GALNTL5: variants seen among roughly 807,000 people sequenced by gnomAD.
GALNTL5 encodes inactive polypeptide N-acetylgalactosaminyltransferase-like protein 5.
Under a neutral mutation model 51.0 loss-of-function variants are expected in GALNTL5, and 44 were observed. That is an observed-to-expected ratio of 0.86 (90% CI 0.68 to 1.11). GALNTL5 has a LOEUF of 1.11. GALNTL5 is among the 50% of genes least tolerant of loss of function. The pLI, the probability that GALNTL5 is intolerant of heterozygous loss-of-function variation, is 0.00. For synonymous variants in GALNTL5, 192 were observed against 182.8 expected (o/e 1.05, Z -0.41); for missense variants, 528 against 531.8 (o/e 0.99, Z 0.07).
chr7:151,980,641 C>G (rs1049561617), intron 3 of GALNTL5, among the ~76,000 whole-genome samples: 3 of 151,972 alleles, frequency 2.0e-5, no homozygotes, highest in African/African-American at 7.3e-5. Flanking sequence ...TTGTGAGTAC[C>G]CTGAGGGGAC....
chr7:151,964,009 C>T (rs2081026570), intron 1 of GALNTL5, among the ~76,000 whole-genome samples: 1 of 152,170 alleles, frequency 6.6e-6, no homozygotes, highest in Non-Finnish European at 1.5e-5. Flanking sequence ...GAGGCTTGGC[C>T]AACTCTGATT....
chr7:151,980,763 T>TTTTTTG (rs2081269701), intron 3 of GALNTL5, among the ~76,000 whole-genome samples: 1 of 92,502 alleles, frequency 1.1e-5, no homozygotes, highest in Admixed American at 1.3e-4. Flanking sequence ...TTTTTTTTTT[T>TTTTTTG]GAGATGGAGT....
intron 4 of GALNTL5, 91 bp from the exon 5 acceptor site, chr7:151,987,068 T>C (rs530603218): frequency 2.6e-6 from 3 of 1,145,492 alleles, no homozygotes; most frequent in Non-Finnish European, 2.4e-6. Flanking sequence ...TGGAATAGCA[T>C]GGATTTTAGG....
rs1586846179 is a variant in GALNTL5 at position 152,003,018 on chromosome 7, G to A, written c.908+55G>A. The A allele has an allele frequency of 1.1e-5, 17 of 1,487,216 alleles. No individual in the cohort carries two copies. The Admixed American group carries it at 1.9e-4, about 16-fold the overall frequency. 92.1% of individuals were successfully genotyped at this position (1,487,216 alleles called of 1,614,324 possible). A position where few individuals can be genotyped will look rare whatever the true frequency, so the allele number is the denominator to read the frequency against. On this transcript the variant is annotated intron_variant, in intron 6 of 8. Coordinates refer to ENST00000392800, the MANE Select transcript of GALNTL5 (RefSeq NM_145292.4). ...TAGCATACGTGTATTGAGACCCAGG[G>A]GGAAAAAGCCTCCAGAGATTATTCT...
chr7:151,977,009 T>C (rs1410533700), intron 3 of GALNTL5, among the ~76,000 whole-genome samples: 1 of 152,184 alleles, frequency 6.6e-6, no homozygotes, highest in African/African-American at 2.4e-5. Context: ...GAGGACAGCC[T>C]GTTACTATTG....
At chr7:151,998,107 G>T (rs1003519937) in intron 5 of GALNTL5, among the ~76,000 whole-genome samples, 20 of 152,244 alleles carry the variant, frequency 1.3e-4, no homozygotes, top group African/African-American at 3.9e-4. Flanking sequence ...TACTCAGGAG[G>T]CTGAGGCAAG....
At chr7:151,958,215 GC>G (rs1396195228) in intron 1 of GALNTL5, among the ~76,000 whole-genome samples, 1 of 152,210 alleles carries the variant, frequency 6.6e-6, no homozygotes, top group East Asian at 1.9e-4. Flanking sequence ...CTCTGGGCTT[GC>G]TCTCCCCACT....
chr7:152,018,260 G>A lies in GALNTL5; in HGVS notation c.1177-1386G>A, dbSNP rs369985486. ...AGTTAGTGCATTTTAAATCCTGATG[G>A]GGTAATATCCAAATGATCTTCACTG... On this transcript the variant is annotated intron_variant, in intron 8 of 8. Transcript: ENST00000392800. Among the ~76,000 whole-genome samples, 5 of 152,266 alleles carry A rather than the reference G, an allele frequency of 3.3e-5. No homozygotes were observed. In the East Asian group the frequency reaches 7.7e-4, roughly 23 times the overall value.
intron 3 of GALNTL5, among the ~76,000 whole-genome samples, chr7:151,981,720 C>T (rs1411544020): frequency 7.0e-6 from 1 of 142,406 alleles, no homozygotes; most frequent in Non-Finnish European, 1.5e-5. Flanking sequence ...ATGGTCTTGG[C>T]TCACTACAAC....
At chr7:151,973,477 A>G (rs1563005712) in intron 3 of GALNTL5, among the ~76,000 whole-genome samples, 1 of 152,044 alleles carries the variant, frequency 6.6e-6, no homozygotes, top group African/African-American at 2.4e-5. Context: ...AAAAAAAAAA[A>G]AGAAGATTTA....
chr7:151,963,588 G>A (rs1331949998), intron 1 of GALNTL5, among the ~76,000 whole-genome samples: 1 of 152,012 alleles, frequency 6.6e-6, no homozygotes, highest in African/African-American at 2.4e-5. Flanking sequence ...AGTAGAGATG[G>A]GGTCTCACCA....
chr7:152,012,757 A>T (rs2081753897), intron 7 of GALNTL5, among the ~76,000 whole-genome samples: 1 of 152,190 alleles, frequency 6.6e-6, no homozygotes, highest in African/African-American at 2.4e-5. Flanking sequence ...ACTTGAGGTC[A>T]GAAGTTCATG....
At chr7:151,970,155 G>GC (rs1554404475) in intron 2 of GALNTL5, among the ~76,000 whole-genome samples, 2 of 143,830 alleles carry the variant, frequency 1.4e-5, no homozygotes, top group Non-Finnish European at 1.5e-5. Flanking sequence ...AGTTGGGGGG[G>GC]CCCCCACCAA....
chr7:152,000,638 C>T (rs2081563645), intron 5 of GALNTL5, among the ~76,000 whole-genome samples: 1 of 152,198 alleles, frequency 6.6e-6, no homozygotes, highest in African/African-American at 2.4e-5. Flanking sequence ...GGATACCTCA[C>T]TGTGATTTTT....
chr7:152,014,582 A>G, intron 7 of GALNTL5, 62 bp from the exon 8 acceptor site: 1 of 1,506,390 alleles, frequency 6.6e-7, no homozygotes, highest in Middle Eastern at 1.8e-4. Context: ...TATTGGTTTA[A>G]AAGCAGTTGC....
chr7:151,973,657 G>A (rs1263338797), intron 3 of GALNTL5, among the ~76,000 whole-genome samples: 1 of 152,204 alleles, frequency 6.6e-6, no homozygotes, highest in Non-Finnish European at 1.5e-5. Flanking sequence ...ATAGGAGGAA[G>A]GGACTTGTCT....
chr7:152,017,036 C>T lies in GALNTL5; in HGVS notation c.1176+2243C>T, dbSNP rs544682396. 1.2e-4 allele frequency among the ~76,000 whole-genome samples: 15 copies of T among 121,752 alleles called. No homozygotes were observed. In the South Asian group the frequency reaches 3.3e-3, roughly 27 times the overall value. 79.9% of individuals were successfully genotyped at this position (121,752 alleles called of 152,430 possible). A position where few individuals can be genotyped will look rare whatever the true frequency, so the allele number is the denominator to read the frequency against. On this transcript the variant is annotated intron_variant, in intron 8 of 8. Coordinates refer to ENST00000392800, the MANE Select transcript of GALNTL5 (RefSeq NM_145292.4). Reference sequence around the variant, plus strand: ...CAGGGTGACAAGAGCAAAGCTCCATCTCAAAAAAAAAAAAAAGAAAAGAAA... The same window carrying T: ...CAGGGTGACAAGAGCAAAGCTCCATTTCAAAAAAAAAAAAAAGAAAAGAAA...
Position 151,995,347 on chromosome 7 carries a change from AATTTTTT to A in GALNTL5, c.659-7366_659-7360del, listed in dbSNP as rs2081484303. ...AAGAAATCTACGATCAGTTGGTATG[AATTTTTT>A]TTTTTTTTTTTTTTTTTTTTTTTTT... On this transcript the variant is annotated intron_variant, in intron 5 of 8. Coordinates refer to ENST00000392800, the MANE Select transcript of GALNTL5 (RefSeq NM_145292.4). 30 of 91,048 alleles carry A rather than the reference AATTTTTT, an allele frequency of 3.3e-4. 3 individuals are homozygous for A. Among genetic ancestry groups the A allele is most frequent in the Middle Eastern group, 8.5e-3 (1 of 118 alleles). The allele number at this position is 91,048 out of a possible 1,614,324, so 5.6% of individuals were successfully genotyped here. A position where few individuals can be genotyped will look rare whatever the true frequency, so the allele number is the denominator to read the frequency against.
At chr7:151,976,680 A>T (rs528542048) in intron 3 of GALNTL5, among the ~76,000 whole-genome samples, 21 of 151,976 alleles carry the variant, frequency 1.4e-4, no homozygotes, top group Non-Finnish European at 2.4e-4. Context: ...ATATATATAT[A>T]TTTTTTGAGA....
Sources: gnomAD v4.1 joint callset for allele counts (sites outside exome capture counted in the v4.1 genomes callset) on GRCh38, gnomAD v4.1.1 for gene constraint, MANE v1.5 for transcripts, NCBI Gene and HGNC (gene_info 2026-07-23, HGNC 2026-07-21) for gene names.